The following STIM2 variants were observed in gnomAD, a reference collection of about 807,000 sequenced individuals.
The protein encoded by STIM2 is stromal interaction molecule 2.
STIM2 carries 31 observed loss-of-function variants against 85.8 expected under a neutral mutation model. The observed-to-expected ratio is 0.36, with a 90% CI of 0.27 to 0.49. The LOEUF is 0.49. STIM2 is among the 20% of genes least tolerant of loss of function. STIM2 has a pLI of 0.98. For missense variants in STIM2, 841 were observed against 927.6 expected (o/e 0.91, Z 1.21); for synonymous variants, 356 against 331.1 (o/e 1.08, Z -0.82).
intron 1 of STIM2, among the ~76,000 whole-genome samples, chr4:26,865,756 T>C (rs1466547743): frequency 6.6e-6 from 1 of 152,154 alleles, no homozygotes; most frequent in Non-Finnish European, 1.5e-5. Context: ...ACTTCTGAAT[T>C]GATCAGATTT....
At chr4:26,872,187 A>G (rs1722644956) in intron 1 of STIM2, among the ~76,000 whole-genome samples, 1 of 152,226 alleles carries the variant, frequency 6.6e-6, no homozygotes. Context: ...GTATGAAGAC[A>G]TAGTTTGAGG....
chr4:26,910,309 G>T (rs562728982), intron 1 of STIM2, among the ~76,000 whole-genome samples: 55 of 152,192 alleles, frequency 3.6e-4, no homozygotes, highest in Non-Finnish European at 7.2e-4. Flanking sequence ...ATCACTTGTG[G>T]TCAGGAGTTC....
chr4:27,021,002 A>G (rs1402006570), intron 11 of STIM2: 5 of 1,536,576 alleles, frequency 3.3e-6, no homozygotes, highest in Non-Finnish European at 3.5e-6. Context: ...AGTGAACAGT[A>G]TTCACCTTGG....
intron 3 of STIM2, among the ~76,000 whole-genome samples, chr4:26,976,148 C>T (rs1315052896): frequency 2.0e-5 from 3 of 152,138 alleles, no homozygotes; most frequent in Non-Finnish European, 4.4e-5. Flanking sequence ...TCCAGGTAGT[C>T]TGTCATGGCT....
intron 3 of STIM2, among the ~76,000 whole-genome samples, chr4:26,974,563 A>T (rs934851090): frequency 6.6e-6 from 1 of 151,992 alleles, no homozygotes; most frequent in Non-Finnish European, 1.5e-5. Context: ...TTGAATATCG[A>T]CCTCCACTCT....
At chr4:26,927,559 T>A (rs1175949106) in intron 2 of STIM2, among the ~76,000 whole-genome samples, 3 of 64,752 alleles carry the variant, frequency 4.6e-5, no homozygotes, top group Non-Finnish European at 5.9e-5. Flanking sequence ...AGGGATAGCA[T>A]TGGGAGATAT....
At chr4:26,989,230 C>G (rs967761947) in intron 3 of STIM2, among the ~76,000 whole-genome samples, 2 of 152,114 alleles carry the variant, frequency 1.3e-5, no homozygotes, top group Non-Finnish European at 2.9e-5. Context: ...CCACCACACA[C>G]GGCCCAGTTT....
At chr4:26,881,671 C>T (rs1447770864) in intron 1 of STIM2, 4 of 152,106 alleles carry the variant, frequency 2.6e-5, no homozygotes, top group African/African-American at 9.7e-5. Context: ...GTTATAGCAA[C>T]CTGAGTGGAC....
intron 3 of STIM2, among the ~76,000 whole-genome samples, chr4:26,976,024 G>A (rs1308603814): frequency 1.3e-5 from 2 of 152,250 alleles, no homozygotes; most frequent in Non-Finnish European, 2.9e-5. Context: ...CTAGCAGTGA[G>A]CAAGGCTTCG....
At chr4:27,019,979 A>G (rs1201133641) in intron 11 of STIM2, among the ~76,000 whole-genome samples, 3 of 152,214 alleles carry the variant, frequency 2.0e-5, no homozygotes, top group South Asian at 4.1e-4. Flanking sequence ...ACGCAATTCA[A>G]ATGTTAGAAC....
chr4:26,964,380 C>T (rs1726627733), intron 3 of STIM2, among the ~76,000 whole-genome samples: 1 of 152,108 alleles, frequency 6.6e-6, no homozygotes, highest in Non-Finnish European at 1.5e-5. Context: ...CATCATTGCA[C>T]TAAGTATTAA....
intron 2 of STIM2, among the ~76,000 whole-genome samples, chr4:26,945,821 A>G (rs1394273394): frequency 4.0e-5 from 6 of 151,426 alleles, no homozygotes; most frequent in Non-Finnish European, 7.4e-5. Context: ...TTTAAGTTGT[A>G]TTTGGGAACT....
At chr4:26,927,599 G>A (rs1724997590) in intron 2 of STIM2, among the ~76,000 whole-genome samples, 1 of 72,210 alleles carries the variant, frequency 1.4e-5, no homozygotes, top group South Asian at 5.5e-4. Flanking sequence ...ATTAGTGGGT[G>A]CAGCGCACCA....
At chr4:26,862,600 A>T (rs1159186154) in intron 1 of STIM2, among the ~76,000 whole-genome samples, 1 of 152,222 alleles carries the variant, frequency 6.6e-6, no homozygotes, top group African/African-American at 2.4e-5. Context: ...GCTTTGGAGG[A>T]TGTAGAGTAT....
chr4:26,960,228 A>G (rs1210052579), intron 3 of STIM2, among the ~76,000 whole-genome samples: 1 of 152,210 alleles, frequency 6.6e-6, no homozygotes, highest in Non-Finnish European at 1.5e-5. Flanking sequence ...CTTCTGAAAA[A>G]GTTTGAAAAC....
chr4:26,868,404 G>A (rs778040714), intron 1 of STIM2, among the ~76,000 whole-genome samples: 12 of 151,968 alleles, frequency 7.9e-5, no homozygotes, highest in Non-Finnish European at 1.2e-4. Flanking sequence ...ACATTATATG[G>A]AACTGAAACA....
At chr4:26,976,639 C>G (rs1045299634) in intron 3 of STIM2, among the ~76,000 whole-genome samples, 1 of 151,668 alleles carries the variant, frequency 6.6e-6, no homozygotes, top group South Asian at 2.1e-4. Flanking sequence ...GAAACCCTGT[C>G]CTACTAAAAA....
At chr4:27,017,390 A>G (rs1388529467) in intron 10 of STIM2, among the ~76,000 whole-genome samples, 2 of 152,238 alleles carry the variant, frequency 1.3e-5, no homozygotes, top group Non-Finnish European at 2.9e-5. Flanking sequence ...TTGTGATACA[A>G]TACAGGTTTT....
At chr4:26,870,213 A>T (rs1219883135) in intron 1 of STIM2, among the ~76,000 whole-genome samples, 2 of 152,090 alleles carry the variant, frequency 1.3e-5, no homozygotes, top group Non-Finnish European at 2.9e-5. Flanking sequence ...GATCTAATGT[A>T]CAACAGTGTG....
Sources: gnomAD v4.1 joint callset for allele counts (sites outside exome capture counted in the v4.1 genomes callset) on GRCh38, gnomAD v4.1.1 for gene constraint, MANE v1.5 for transcripts, NCBI Gene and HGNC (gene_info 2026-07-23, HGNC 2026-07-21) for gene names.